NTN1: variants seen among roughly 807,000 people sequenced by gnomAD.
The protein encoded by NTN1 is netrin-1.
Under a neutral mutation model 54.2 loss-of-function variants are expected in NTN1, and 11 were observed. That is an observed-to-expected ratio of 0.20 (90% CI 0.13 to 0.34). The LOEUF (loss-of-function observed/expected upper bound fraction) is 0.34, where lower values mean the gene tolerates loss of function less well. Ranked by LOEUF, NTN1 falls within the 10% of genes least tolerant of loss-of-function variation. The probability of loss-of-function intolerance (pLI) is 1.00; values close to 1 mark genes in which losing one functional copy is unlikely to be tolerated. For synonymous variants in NTN1, 371 were observed against 382.0 expected (o/e 0.97, Z 0.33); for missense variants, 740 against 893.1 (o/e 0.83, Z 2.18).
At chr17:9,028,497 C>T (rs1375385557) in intron 2 of NTN1, among the ~76,000 whole-genome samples, 1 of 152,186 alleles carries the variant, frequency 6.6e-6, no homozygotes, top group Non-Finnish European at 1.5e-5. Flanking sequence ...CCAGGCTCTG[C>T]CGTGCTCTCT....
intron 5 of NTN1, among the ~76,000 whole-genome samples, chr17:9,204,193 C>CTCCTTCCCTCCTTCCTTCCTTCCTTCCT (rs1904896080): frequency 2.0e-5 from 3 of 147,046 alleles, no homozygotes; most frequent in African/African-American, 7.8e-5. Context: ...CCTTCCTTCC[C>CTCCTTCCCTCCTTCCTTCCTTCCTTCCT]TCCTTCCTTC....
In NTN1 at chr17:9,221,266, G is replaced by A. The variant is rs1047577744; in HGVS notation, c.1486+24G>A. On this transcript the variant is annotated intron_variant, in intron 6 of 6. Coordinates refer to ENST00000173229, the MANE Select transcript of NTN1 (RefSeq NM_004822.3). This position sits in a 1 kb window ranked among gnomAD's most constrained non-coding sequence, Gnocchi z 4.5. ...TGGTGAGTGAGAGTCCCCTTGTCTG[G>A]GGAGGATGGGAGGGGGCCACGTGAC... is the stretch of plus-strand genomic sequence containing the variant. 5 of 1,581,876 alleles carry A rather than the reference G, an allele frequency of 3.2e-6. No individual in the cohort carries two copies. The highest frequency in any genetic ancestry group is 3.3e-4 in the Middle Eastern group (2 of 5,996).
chr17:9,034,009 A>G (rs990849532), intron 2 of NTN1, among the ~76,000 whole-genome samples: 6 of 152,200 alleles, frequency 3.9e-5, no homozygotes, highest in African/African-American at 1.4e-4. Flanking sequence ...TCTATCTACT[A>G]AAGTGTGAAA....
the NTN1 span, among the ~76,000 whole-genome samples, chr17:9,006,520 A>G: frequency 6.6e-6 from 1 of 152,116 alleles, no homozygotes; most frequent in Non-Finnish European, 1.5e-5. Context: ...AGGAGATGTG[A>G]GGTGTGTGTG....
At chr17:9,155,364 C>T (rs1319726722) in intron 2 of NTN1, among the ~76,000 whole-genome samples, 4 of 144,436 alleles carry the variant, frequency 2.8e-5, no homozygotes, top group Admixed American at 1.4e-4. Flanking sequence ...TTTTTTGAGA[C>T]GAGTTTTGCT....
intron 5 of NTN1, among the ~76,000 whole-genome samples, chr17:9,198,352 C>T (rs892165661): frequency 1.3e-5 from 2 of 152,190 alleles, no homozygotes; most frequent in African/African-American, 4.8e-5. Flanking sequence ...TGGGCAAGGG[C>T]ACCTATAACC....
At chr17:9,063,724 AT>A (rs1371092864) in intron 2 of NTN1, among the ~76,000 whole-genome samples, 1 of 151,620 alleles carries the variant, frequency 6.6e-6, no homozygotes, top group East Asian at 2.0e-4. Context: ...ATTTTTTTGT[AT>A]TTTTAGTAGA....
chr17:9,151,856 T>G (rs1597507281), intron 2 of NTN1, among the ~76,000 whole-genome samples: 1 of 152,024 alleles, frequency 6.6e-6, no homozygotes, highest in Non-Finnish European at 1.5e-5. Context: ...GCAAGAGGAT[T>G]GTAAAATGCA....
At chr17:9,138,210 G>A (rs1009023108) in intron 2 of NTN1, among the ~76,000 whole-genome samples, 4 of 152,292 alleles carry the variant, frequency 2.6e-5, no homozygotes, top group South Asian at 2.1e-4. Flanking sequence ...GGATCATTGC[G>A]CAGCATTTCA....
chr17:9,066,122 G>A (rs1297515683), intron 2 of NTN1, among the ~76,000 whole-genome samples: 1 of 152,186 alleles, frequency 6.6e-6, no homozygotes, highest in Admixed American at 6.5e-5. Flanking sequence ...ATCACTAGTT[G>A]TATTAAAGAT....
At chr17:9,096,701 G>T (rs1001850515) in intron 2 of NTN1, among the ~76,000 whole-genome samples, 4 of 152,006 alleles carry the variant, frequency 2.6e-5, no homozygotes, top group Non-Finnish European at 5.9e-5. Context: ...TAATAATTCT[G>T]CCTTTTTCTT....
chr17:9,039,394 G>T (rs1285459485), intron 2 of NTN1, among the ~76,000 whole-genome samples: 12 of 152,166 alleles, frequency 7.9e-5, no homozygotes, highest in Non-Finnish European at 1.6e-4. Context: ...TTATTTAAAT[G>T]TACCCAATAG....
chr17:9,201,331 T>A (rs750964146), intron 5 of NTN1, among the ~76,000 whole-genome samples: 1 of 152,042 alleles, frequency 6.6e-6, no homozygotes, highest in Non-Finnish European at 1.5e-5. Context: ...GCTGTAAGAG[T>A]TCTGAACTTA....
At chr17:9,142,797 A>T (rs1044231804) in intron 2 of NTN1, among the ~76,000 whole-genome samples, 4 of 152,216 alleles carry the variant, frequency 2.6e-5, no homozygotes, top group African/African-American at 7.2e-5. Context: ...ATGAATTAGT[A>T]TATGAAGTAT....
intron 5 of NTN1, among the ~76,000 whole-genome samples, chr17:9,196,553 C>T (rs1904639683): frequency 6.6e-6 from 1 of 152,252 alleles, no homozygotes. Context: ...AGTCTCCTGC[C>T]TCTGCCCTGG....
chr17:9,040,684 T>A (rs1203029182), intron 2 of NTN1, among the ~76,000 whole-genome samples: 1 of 152,220 alleles, frequency 6.6e-6, no homozygotes, highest in Non-Finnish European at 1.5e-5. Flanking sequence ...AGCACATTTC[T>A]AGAGTTTCAT....
intron 5 of NTN1, among the ~76,000 whole-genome samples, chr17:9,192,039 CTG>C (rs1597529647): frequency 1.3e-5 from 2 of 151,458 alleles, no homozygotes; most frequent in East Asian, 3.9e-4. Context: ...TAATTATTCT[CTG>C]TGTTGAAAAG....
At position 9,050,311 on chromosome 17, in the gene NTN1, G is replaced by C. The variant is rs2091956332; in HGVS notation, c.1018+26920G>C. Among the ~76,000 whole-genome samples the C allele has an allele frequency of 3.3e-5, 5 of 151,774 alleles. No homozygotes were observed. In the South Asian group the frequency reaches 1.0e-3, roughly 32 times the overall value. ...AATAACAATAAATGTCACTGCCCTTGAGCATCGTGAGTCCTGCTTTGAAAG... is the reference window on the plus strand; with the variant it reads ...AATAACAATAAATGTCACTGCCCTTCAGCATCGTGAGTCCTGCTTTGAAAG... On this transcript the variant is annotated intron_variant, in intron 2 of 6. Coordinates refer to ENST00000173229, the MANE Select transcript of NTN1 (RefSeq NM_004822.3).
At position 9,211,031 on chromosome 17, in the gene NTN1, A is replaced by C. The variant is rs1304728700; in HGVS notation, c.1412-10137A>C. Among the ~76,000 whole-genome samples the C allele has an allele frequency of 6.6e-6, 1 of 152,100 alleles. No individual in the cohort carries two copies. The highest frequency in any genetic ancestry group is 1.5e-5 in the Non-Finnish European group (1 of 68,020). Reference sequence around the variant, plus strand: ...ATTTTAAAATATACCTAAGACAATAAAGCAAGAGTATAAAAACCAGCCACA... The same window carrying C: ...ATTTTAAAATATACCTAAGACAATACAGCAAGAGTATAAAAACCAGCCACA... On this transcript the variant is annotated intron_variant, in intron 5 of 6. Coordinates refer to ENST00000173229, the MANE Select transcript of NTN1 (RefSeq NM_004822.3). The surrounding 1 kb of genome is among the most constrained non-coding windows in gnomAD (Gnocchi z 4.4).
Sources: gnomAD v4.1 joint callset for allele counts (sites outside exome capture counted in the v4.1 genomes callset) on GRCh38, gnomAD v4.1.1 for gene constraint, Gnocchi (gnomAD v3.1) non-coding constraint, MANE v1.5 for transcripts, NCBI Gene and HGNC (gene_info 2026-07-23, HGNC 2026-07-21) for gene names.